DPYD: variants seen among roughly 807,000 people sequenced by gnomAD.
The protein encoded by DPYD is dihydropyrimidine dehydrogenase.
DPYD carries 109 observed loss-of-function variants against 116.2 expected under a neutral mutation model. The ratio of observed to expected loss-of-function variants is 0.94; its 90% CI spans 0.80 to 1.10. The LOEUF (loss-of-function observed/expected upper bound fraction) is 1.10, where lower values mean the gene tolerates loss of function less well. DPYD is among the 50% of genes least tolerant of loss of function. The pLI is 0.00. For synonymous variants in DPYD, 440 were observed against 432.0 expected (o/e 1.02, Z -0.23); for missense variants, 1,302 against 1,254.5 (o/e 1.04, Z -0.57).
intron 13 of DPYD, among the ~76,000 whole-genome samples, chr1:97,500,030 A>C (rs1679487400): frequency 6.6e-6 from 1 of 151,990 alleles, no homozygotes; most frequent in Non-Finnish European, 1.5e-5. Context: ...ATATTCTCCA[A>C]TGGATTCATT....
At position 97,744,888 on chromosome 1, in the gene DPYD, T is replaced by C. The variant is rs190537267; in HGVS notation, c.234-4409A>G. 4.6e-5 allele frequency among the ~76,000 whole-genome samples: 7 copies of C among 152,124 alleles called. No individual in the cohort carries two copies. The East Asian group carries it at 1.2e-3, about 25-fold the overall frequency. ...ATCAAAGTTGGAAGTGTCATACATG[T>C]ATGAGTTCCACAACTTTTATCCTTT... On this transcript the variant is annotated intron_variant, in intron 3 of 22. Transcript: ENST00000370192.
chr1:97,732,932 T>C (rs552867692), intron 4 of DPYD, among the ~76,000 whole-genome samples: 4 of 152,254 alleles, frequency 2.6e-5, no homozygotes, highest in Admixed American at 2.6e-4. Flanking sequence ...AAAGCTAGGA[T>C]ACTTTGAAAA....
intron 16 of DPYD, among the ~76,000 whole-genome samples, chr1:97,312,879 A>G (rs759279841): frequency 2.6e-4 from 39 of 151,912 alleles, no homozygotes; most frequent in Non-Finnish European, 5.3e-4. Context: ...TCTAATATAG[A>G]TAAATTTCAT....
chr1:97,571,544 G>A (rs1244026125), intron 11 of DPYD, among the ~76,000 whole-genome samples: 1 of 151,804 alleles, frequency 6.6e-6, no homozygotes, highest in Non-Finnish European at 1.5e-5. Flanking sequence ...AGGTTGAAAA[G>A]GAGAAAAGTG....
At chr1:97,083,235 G>T (rs1649290336) in intron 21 of DPYD, among the ~76,000 whole-genome samples, 1 of 152,048 alleles carries the variant, frequency 6.6e-6, no homozygotes, top group Non-Finnish European at 1.5e-5. Context: ...CAAAACAAAA[G>T]AATGTAGCAA....
intron 19 of DPYD, among the ~76,000 whole-genome samples, chr1:97,215,355 T>C (rs1660308166): frequency 1.3e-5 from 2 of 152,194 alleles, no homozygotes; most frequent in Non-Finnish European, 2.9e-5. Flanking sequence ...TGACTTCCTG[T>C]TCTTATTTGG....
chr1:97,485,645 T>G (rs1305127249), intron 13 of DPYD, among the ~76,000 whole-genome samples: 3 of 152,242 alleles, frequency 2.0e-5, no homozygotes, highest in African/African-American at 7.2e-5. Context: ...TAATTTTGAT[T>G]TCTAGATTTA....
At chr1:97,216,658 G>A (rs1660415086) in intron 19 of DPYD, among the ~76,000 whole-genome samples, 1 of 151,680 alleles carries the variant, frequency 6.6e-6, no homozygotes, top group Admixed American at 6.6e-5. Context: ...AGCCAGATGT[G>A]GTGGCGGGCA....
intron 8 of DPYD, among the ~76,000 whole-genome samples, chr1:97,633,977 C>A (rs943083360): frequency 6.6e-6 from 1 of 152,054 alleles, no homozygotes; most frequent in East Asian, 1.9e-4. Flanking sequence ...AAAATTTATG[C>A]CCTGCTTTTA....
Position 97,453,969 on chromosome 1 carries a change from A to G in DPYD, c.1741-3746T>C, listed in dbSNP as rs183375911. Among the ~76,000 whole-genome samples the G allele has an allele frequency of 6.0e-3, 908 of 152,132 alleles. 8 individuals are homozygous for G. Among genetic ancestry groups the G allele is most frequent in the Non-Finnish European group, 5.9e-3 (400 of 67,910 alleles). ...GTCAATTTTCTCATTCCTTAATTCA[A>G]CCAAAGATAAAAGGTCCTTTATAAC... On this transcript the variant is annotated intron_variant, in intron 13 of 22. Transcript: ENST00000370192.
rs58691437 is a variant in DPYD at position 97,702,575 on chromosome 1, T to C, written c.484-3028A>G. The stretch of plus-strand genomic sequence containing the variant: ...AAGTATCATTTATTGCTGACATCTT[T>C]TACAATGGAAGCAGATTTAAATGTA... On this transcript the variant is annotated intron_variant, in intron 5 of 22. Transcript: ENST00000370192. Among the ~76,000 whole-genome samples the C allele has an allele frequency of 4.6e-3, 700 of 152,002 alleles. 7 individuals carry two copies. Among genetic ancestry groups the C allele is most frequent in the African/African-American group, 0.016 (665 of 41,532 alleles).
At chr1:97,842,678 C>T (rs1400315374) in intron 2 of DPYD, among the ~76,000 whole-genome samples, 1 of 152,014 alleles carries the variant, frequency 6.6e-6, no homozygotes, top group African/African-American at 2.4e-5. Flanking sequence ...ACAAAGTTAT[C>T]AGCCCTCTAT....
intron 2 of DPYD, among the ~76,000 whole-genome samples, chr1:97,868,121 A>T (rs1386947617): frequency 2.0e-5 from 3 of 151,880 alleles, no homozygotes; most frequent in Non-Finnish European, 4.4e-5. Flanking sequence ...AATCCCATTT[A>T]CAAGTAGCTA....
chr1:97,908,874 C>T (rs1673780817), intron 1 of DPYD, among the ~76,000 whole-genome samples: 1 of 151,998 alleles, frequency 6.6e-6, no homozygotes, highest in Non-Finnish European at 1.5e-5. Context: ...TCACAACATC[C>T]TTAATTCCCT....
chr1:97,159,862 A>G (rs1161046678), intron 20 of DPYD, among the ~76,000 whole-genome samples: 1 of 152,014 alleles, frequency 6.6e-6, no homozygotes, highest in Non-Finnish European at 1.5e-5. Flanking sequence ...ACATATGATT[A>G]TTCAGTTACT....
At chr1:97,634,381 A>G (rs1657443741) in intron 8 of DPYD, among the ~76,000 whole-genome samples, 1 of 152,130 alleles carries the variant, frequency 6.6e-6, no homozygotes, top group Non-Finnish European at 1.5e-5. Context: ...AAGTATGTCA[A>G]TGCTTAAAAT....
At chr1:97,106,018 G>C (rs1291859059) in intron 20 of DPYD, among the ~76,000 whole-genome samples, 1 of 152,102 alleles carries the variant, frequency 6.6e-6, no homozygotes, top group Non-Finnish European at 1.5e-5. Flanking sequence ...TCTGGGCAAA[G>C]TGTTTGGATT....
At chr1:97,173,506 C>CACGCATATATAAA (rs1435996547) in intron 20 of DPYD, among the ~76,000 whole-genome samples, 2 of 149,386 alleles carry the variant, frequency 1.3e-5, no homozygotes, top group African/African-American at 4.9e-5. Context: ...ATATAAAATA[C>CACGCATATATAAA]ACACACAAAA....
chr1:97,616,895 C>CT lies in DPYD; in HGVS notation c.851-21730dup, dbSNP rs567860314. ...AATTAAGGCTATGAAAGTTTTATTTCTTTTTTTTTGAGACGGAGTCTCCCT... is the reference window on the plus strand; with the variant it reads ...AATTAAGGCTATGAAAGTTTTATTTCTTTTTTTTTTGAGACGGAGTCTCCCT... On this transcript the variant is annotated intron_variant, in intron 8 of 22. Coordinates refer to ENST00000370192, the MANE Select transcript of DPYD (RefSeq NM_000110.4). Among the ~76,000 whole-genome samples the CT allele has an allele frequency of 6.7e-3, 1,019 of 151,252 alleles. 6 individuals are homozygous for CT. Among genetic ancestry groups the CT allele is most frequent in the Non-Finnish European group, 0.01 (694 of 67,710 alleles).
Sources: gnomAD v4.1 joint callset for allele counts (sites outside exome capture counted in the v4.1 genomes callset) on GRCh38, gnomAD v4.1.1 for gene constraint, MANE v1.5 for transcripts, NCBI Gene and HGNC (gene_info 2026-07-23, HGNC 2026-07-21) for gene names.